The following PRR16 variants were observed in gnomAD, a reference collection of about 807,000 sequenced individuals.
PRR16 encodes proline rich 16, also known as protein Largen.
Under a neutral mutation model 18.2 loss-of-function variants are expected in PRR16, and 6 were observed. The observed-to-expected ratio is 0.33, with a 90% CI of 0.18 to 0.65. PRR16 has a LOEUF of 0.65. Ranked by LOEUF, PRR16 falls within the 30% of genes least tolerant of loss-of-function variation. The probability of loss-of-function intolerance (pLI) is 0.74; values close to 1 mark genes in which losing one functional copy is unlikely to be tolerated. For missense variants in PRR16, 412 were observed against 376.6 expected, an observed-to-expected ratio of 1.09 and a Z score of -0.78; for synonymous variants, 151 against 147.8, an observed-to-expected ratio of 1.02 and a Z score of -0.16.
At chr5:120,481,738 G>C (rs1432427293) in intron 1 of PRR16, among the ~76,000 whole-genome samples, 1 of 152,158 alleles carries the variant, frequency 6.6e-6, no homozygotes. Flanking sequence ...CGTAAAAACA[G>C]AATTTGGTTA....
chr5:120,614,381 A>G (rs1328119328), intron 1 of PRR16, among the ~76,000 whole-genome samples: 2 of 152,198 alleles, frequency 1.3e-5, no homozygotes, highest in South Asian at 2.1e-4. Flanking sequence ...GTAAATGCAC[A>G]TTTGTCACGA....
At chr5:120,713,372 A>G in the PRR16 span, among the ~76,000 whole-genome samples, 1 of 152,170 alleles carries the variant, frequency 6.6e-6, no homozygotes, top group East Asian at 1.9e-4. Context: ...GGGCTAGGAA[A>G]AGAACATCCT....
intron 1 of PRR16, among the ~76,000 whole-genome samples, chr5:120,617,539 C>T (rs76491909): frequency 3.3e-3 from 502 of 151,990 alleles, no homozygotes; most frequent in African/African-American, 0.01. Flanking sequence ...TGTTCAAAAC[C>T]GCAAGATTTA....
the PRR16 span, among the ~76,000 whole-genome samples, chr5:120,756,523 G>A: frequency 1.3e-5 from 2 of 151,864 alleles, no homozygotes; most frequent in South Asian, 4.2e-4. Flanking sequence ...CTATGTTTTG[G>A]ATTTGCATTT....
the PRR16 span, among the ~76,000 whole-genome samples, chr5:120,754,427 A>ATATAG: frequency 1.1e-5 from 1 of 87,532 alleles, no homozygotes; most frequent in East Asian, 3.7e-4. Flanking sequence ...ATATTATATA[A>ATATAG]TATATAGTAT....
intron 1 of PRR16, among the ~76,000 whole-genome samples, chr5:120,676,960 AGTT>A (rs1756818643): frequency 6.6e-6 from 1 of 152,220 alleles, no homozygotes; most frequent in African/African-American, 2.4e-5. Flanking sequence ...ACCAAAGAGA[AGTT>A]AACCAAACTG....
intron 1 of PRR16, among the ~76,000 whole-genome samples, chr5:120,678,054 C>T (rs1348144302): frequency 7.2e-5 from 11 of 151,834 alleles, no homozygotes; most frequent in African/African-American, 2.7e-4. Context: ...GGACTACAGG[C>T]GCCGGCCACC....
At chr5:120,768,562 A>G in the PRR16 span, among the ~76,000 whole-genome samples, 2 of 151,710 alleles carry the variant, frequency 1.3e-5, no homozygotes, top group African/African-American at 4.8e-5. Context: ...TTAATACTCA[A>G]TAAGTATGGG....
intron 1 of PRR16, among the ~76,000 whole-genome samples, chr5:120,616,324 A>T (rs114694557): frequency 5.8e-4 from 88 of 152,286 alleles, no homozygotes; most frequent in African/African-American, 1.9e-3. Flanking sequence ...ACAATCTTGC[A>T]TTTCTGAATT....
At chr5:120,541,509 A>G (rs1310991505) in intron 1 of PRR16, among the ~76,000 whole-genome samples, 1 of 152,178 alleles carries the variant, frequency 6.6e-6, no homozygotes, top group Non-Finnish European at 1.5e-5. Context: ...TCTCGTCACA[A>G]GGTGTGATTT....
At chr5:120,497,895 A>G (rs1750312012) in intron 1 of PRR16, among the ~76,000 whole-genome samples, 2 of 151,736 alleles carry the variant, frequency 1.3e-5, no homozygotes, top group African/African-American at 4.8e-5. Flanking sequence ...TCTGCATGGC[A>G]TATCTTCTCC....
the PRR16 span, among the ~76,000 whole-genome samples, chr5:120,762,554 G>A: frequency 6.6e-6 from 1 of 151,966 alleles, no homozygotes. Context: ...CGCTCTCCTG[G>A]GCTCAAGCAA....
At chr5:120,779,613 G>A in the PRR16 span, among the ~76,000 whole-genome samples, 1 of 151,890 alleles carries the variant, frequency 6.6e-6, no homozygotes, top group Non-Finnish European at 1.5e-5. Flanking sequence ...TTCTAAATTG[G>A]GTCTTTTAGC....
chr5:120,770,819 A>G, the PRR16 span, among the ~76,000 whole-genome samples: 3 of 151,912 alleles, frequency 2.0e-5, no homozygotes, highest in Non-Finnish European at 4.4e-5. Context: ...TCTTACAAAT[A>G]CTTTATAACA....
intron 1 of PRR16, among the ~76,000 whole-genome samples, chr5:120,613,468 A>T (rs1198880673): frequency 6.6e-6 from 1 of 152,068 alleles, no homozygotes; most frequent in Non-Finnish European, 1.5e-5. Context: ...TATTACTAAG[A>T]TTCATGTCTT....
At chr5:120,650,314 A>C (rs1387187604) in intron 1 of PRR16, among the ~76,000 whole-genome samples, 1 of 150,610 alleles carries the variant, frequency 6.6e-6, no homozygotes, top group Non-Finnish European at 1.5e-5. Flanking sequence ...TTATCAAATG[A>C]TTTTTTTTCT....
intron 1 of PRR16, among the ~76,000 whole-genome samples, chr5:120,653,100 C>T: frequency 6.6e-6 from 1 of 151,758 alleles, no homozygotes; most frequent in East Asian, 1.9e-4. Context: ...TTAATTCATG[C>T]TATTATAAAT....
At chr5:120,787,873 A>G in the PRR16 span, among the ~76,000 whole-genome samples, 1 of 152,010 alleles carries the variant, frequency 6.6e-6, no homozygotes, top group Non-Finnish European at 1.5e-5. Flanking sequence ...ACTTTTACAT[A>G]GTATAAAAGG....
intron 1 of PRR16, among the ~76,000 whole-genome samples, chr5:120,555,828 C>CT (rs1554082881): frequency 2.4e-5 from 2 of 84,862 alleles, no homozygotes; most frequent in Non-Finnish European, 5.2e-5. Flanking sequence ...GTTTGAGTTT[C>CT]TAAAAAAAAA....
Sources: gnomAD v4.1 joint callset for allele counts (sites outside exome capture counted in the v4.1 genomes callset) on GRCh38, gnomAD v4.1.1 for gene constraint, MANE v1.5 for transcripts, NCBI Gene and HGNC (gene_info 2026-07-23, HGNC 2026-07-21) for gene names.